HS6ST3: variants seen among roughly 807,000 people sequenced by gnomAD.
The protein encoded by HS6ST3 is heparan-sulfate 6-O-sulfotransferase 3.
HS6ST3 carries 12 observed loss-of-function variants against 36.7 expected under a neutral mutation model. The ratio of observed to expected loss-of-function variants is 0.33; its 90% CI spans 0.21 to 0.53. The LOEUF is 0.53. Ranked by LOEUF, HS6ST3 falls within the 20% of genes least tolerant of loss-of-function variation. HS6ST3 has a pLI of 0.95. For synonymous variants in HS6ST3, 240 were observed against 257.5 expected (o/e 0.93, Z 0.65); for missense variants, 584 against 640.9 (o/e 0.91, Z 0.96).
intron 1 of HS6ST3, among the ~76,000 whole-genome samples, chr13:96,340,408 A>G (rs532586777): frequency 1.3e-5 from 2 of 152,340 alleles, no homozygotes; most frequent in South Asian, 2.1e-4. Flanking sequence ...ATTTTCTTCA[A>G]ATATGAAGGA....
chr13:96,271,594 T>C lies in HS6ST3; in HGVS notation c.707+180025T>C, dbSNP rs368859974. On this transcript the variant is annotated intron_variant, in intron 1 of 1. Transcript: ENST00000376705. ...ACAGAAGCCACTTAGATATTCTGAATGGAAAGGGGCTCATACAAGGAACTA... is the reference window on the plus strand; with the variant it reads ...ACAGAAGCCACTTAGATATTCTGAACGGAAAGGGGCTCATACAAGGAACTA... Among the ~76,000 whole-genome samples, 6 of 151,894 alleles carry C rather than the reference T, an allele frequency of 4.0e-5. No homozygotes were observed. In the East Asian group the frequency reaches 7.7e-4, roughly 20 times the overall value.
At chr13:96,682,028 G>A (rs993439371) in intron 1 of HS6ST3, among the ~76,000 whole-genome samples, 1 of 152,098 alleles carries the variant, frequency 6.6e-6, no homozygotes, top group Non-Finnish European at 1.5e-5. Context: ...CCAAGGAAAT[G>A]TATTATTTAT....
rs182091110 is a variant in HS6ST3, at chr13:96,553,065, G to C, written c.708-279425G>C. On this transcript the variant is annotated intron_variant, in intron 1 of 1. Coordinates refer to ENST00000376705, the MANE Select transcript of HS6ST3 (RefSeq NM_153456.4). ...AGGATCAGCAAGTCCTCCCTGGGGT[G>C]TGGGACCTTGGAGTGACTGGAGATA... Among the ~76,000 whole-genome samples, 119 of 152,318 alleles carry C rather than the reference G, an allele frequency of 7.8e-4. 1 individual carries two copies. Among genetic ancestry groups the C allele is most frequent in the Non-Finnish European group, 1.2e-3 (80 of 68,038 alleles).
intron 1 of HS6ST3, among the ~76,000 whole-genome samples, chr13:96,770,052 C>T (rs1187599592): frequency 2.0e-5 from 3 of 152,144 alleles, no homozygotes; most frequent in Non-Finnish European, 4.4e-5. Context: ...CCTTGAAACG[C>T]TCAGAAGTAC....
At chr13:96,542,364 T>G (rs2056181784) in intron 1 of HS6ST3, among the ~76,000 whole-genome samples, 1 of 152,200 alleles carries the variant, frequency 6.6e-6, no homozygotes, top group South Asian at 2.1e-4. Flanking sequence ...CTTGGGCTCC[T>G]TTCATTAAAA....
At chr13:96,261,054 A>G (rs2054664195) in intron 1 of HS6ST3, among the ~76,000 whole-genome samples, 1 of 152,122 alleles carries the variant, frequency 6.6e-6, no homozygotes, top group African/African-American at 2.4e-5. Context: ...AACAATTCAT[A>G]TATTTGGTCA....
At chr13:96,340,065 A>G (rs1276404979) in intron 1 of HS6ST3, among the ~76,000 whole-genome samples, 2 of 152,130 alleles carry the variant, frequency 1.3e-5, no homozygotes, top group Non-Finnish European at 2.9e-5. Context: ...TTACTTTTTC[A>G]TATTAATTTT....
At chr13:96,524,630 C>T (rs1476418628) in intron 1 of HS6ST3, among the ~76,000 whole-genome samples, 1 of 152,234 alleles carries the variant, frequency 6.6e-6, no homozygotes, top group Non-Finnish European at 1.5e-5. Context: ...CCAGGTTGAT[C>T]TCAGACTGCT....
rs568152028 is a variant in HS6ST3 at position 96,625,503 on chromosome 13, C to G, written c.708-206987C>G. ...CAGTCTTATGTGAAAATTTCCATAG[C>G]TCCATACTGTTTCCAACACTCAATT... On this transcript the variant is annotated intron_variant, in intron 1 of 1. Coordinates refer to ENST00000376705, the MANE Select transcript of HS6ST3 (RefSeq NM_153456.4). Among the ~76,000 whole-genome samples the G allele has an allele frequency of 3.9e-5, 6 of 152,266 alleles. No homozygotes were observed. In the East Asian group the frequency reaches 1.2e-3, roughly 29 times the overall value.
chr13:96,792,064 C>T (rs1222963317), intron 1 of HS6ST3, among the ~76,000 whole-genome samples: 4 of 151,944 alleles, frequency 2.6e-5, no homozygotes, highest in Non-Finnish European at 5.9e-5. Context: ...TAAACACATA[C>T]ACACATATTA....
chr13:96,218,971 A>G (rs979917207), intron 1 of HS6ST3, among the ~76,000 whole-genome samples: 5 of 152,096 alleles, frequency 3.3e-5, no homozygotes, highest in Non-Finnish European at 7.4e-5. Context: ...GCCTTCCATA[A>G]TGATGCCAAT....
intron 1 of HS6ST3, among the ~76,000 whole-genome samples, chr13:96,271,412 G>C (rs774614032): frequency 6.8e-4 from 104 of 151,888 alleles, no homozygotes; most frequent in Non-Finnish European, 9.1e-4. Context: ...TTCACTAGCA[G>C]CTCAACCAGT....
intron 1 of HS6ST3, among the ~76,000 whole-genome samples, chr13:96,254,671 G>T (rs1002665117): frequency 2.6e-5 from 4 of 151,436 alleles, no homozygotes; most frequent in Non-Finnish European, 5.9e-5. Flanking sequence ...ATCAGCCAAA[G>T]AAAGTGATGT....
chr13:96,512,903 T>C (rs1406227152), intron 1 of HS6ST3, among the ~76,000 whole-genome samples: 1 of 152,056 alleles, frequency 6.6e-6, no homozygotes, highest in Non-Finnish European at 1.5e-5. Context: ...TGTTGTTTCT[T>C]ATAGTATGGG....
At chr13:96,734,964 A>G (rs1214513208) in intron 1 of HS6ST3, among the ~76,000 whole-genome samples, 6 of 152,166 alleles carry the variant, frequency 3.9e-5, no homozygotes, top group Non-Finnish European at 7.4e-5. Flanking sequence ...ATCTTCTAGA[A>G]CAAACTCTGG....
rs183510310 is a variant in HS6ST3, at chr13:96,226,682, A to C, written c.707+135113A>C. 1.5e-3 allele frequency among the ~76,000 whole-genome samples: 221 copies of C among 152,370 alleles called. 1 individual carries two copies. The highest frequency in any genetic ancestry group is 0.014 in the Middle Eastern group (4 of 294). On this transcript the variant is annotated intron_variant, in intron 1 of 1. Coordinates refer to ENST00000376705, the MANE Select transcript of HS6ST3 (RefSeq NM_153456.4). ...GTGTTTCAATTTCTGTCTTATACAT[A>C]GTGAATATTTTTCTGTTTAAGTAAA...
chr13:96,251,741 G>T (rs1427669797), intron 1 of HS6ST3, among the ~76,000 whole-genome samples: 1 of 151,754 alleles, frequency 6.6e-6, no homozygotes, highest in Non-Finnish European at 1.5e-5. Context: ...ATAAGTTTTG[G>T]TATGTTTTAT....
chr13:96,821,472 C>T (rs909516764), intron 1 of HS6ST3, among the ~76,000 whole-genome samples: 5 of 152,226 alleles, frequency 3.3e-5, no homozygotes, highest in African/African-American at 9.6e-5. Flanking sequence ...GAATTACAAA[C>T]ATCATCTAAA....
chr13:96,488,844 A>C (rs2055929659), intron 1 of HS6ST3, among the ~76,000 whole-genome samples: 1 of 152,064 alleles, frequency 6.6e-6, no homozygotes, highest in Non-Finnish European at 1.5e-5. Flanking sequence ...GTACCTGTGA[A>C]TATATTTCCT....
Sources: allele counts gnomAD v4.1 joint callset (sites outside exome capture counted in the v4.1 genomes callset), GRCh38; gene constraint gnomAD v4.1.1; transcripts MANE v1.5; gene names NCBI Gene and HGNC (gene_info 2026-07-23, HGNC 2026-07-21).